The following AGBL4 variants were observed in gnomAD, a reference collection of about 807,000 sequenced individuals.
The protein encoded by AGBL4 is AGBL carboxypeptidase 4, also known as cytosolic carboxypeptidase 6.
AGBL4 carries 58 observed loss-of-function variants against 66.4 expected under a neutral mutation model. The observed-to-expected ratio is 0.87, with a 90% CI of 0.71 to 1.09. The LOEUF (loss-of-function observed/expected upper bound fraction) is 1.09, where lower values mean the gene tolerates loss of function less well. Among genes scored for constraint, AGBL4 ranks in the 50% least tolerant of loss-of-function variants. The pLI, the probability that AGBL4 is intolerant of heterozygous loss-of-function variation, is 0.00. For synonymous variants in AGBL4, 234 were observed against 222.9 expected, an observed-to-expected ratio of 1.05 and a Z score of -0.44; for missense variants, 579 against 631.0, an observed-to-expected ratio of 0.92 and a Z score of 0.88.
intron 3 of AGBL4, among the ~76,000 whole-genome samples, chr1:49,289,164 A>G (rs1355197862): frequency 6.6e-6 from 1 of 152,164 alleles, no homozygotes; most frequent in East Asian, 1.9e-4. Flanking sequence ...AAAATTTACT[A>G]GACAACTAGA....
In AGBL4 at chr1:48,921,162, G is replaced by T. The variant is rs138173543; in HGVS notation, c.595-53932C>A. 5.8e-3 allele frequency among the ~76,000 whole-genome samples: 878 copies of T among 152,280 alleles called. 12 individuals are homozygous for T. The highest frequency in any genetic ancestry group is 7.0e-3 in the Non-Finnish European group (479 of 68,032). ...GAATCACTCACTGCAGAACTGTAAT[G>T]GGGAGAGGGGGAGGGGAAGTGGAAC... On this transcript the variant is annotated intron_variant, in intron 5 of 13. Coordinates refer to ENST00000371839, the MANE Select transcript of AGBL4 (RefSeq NM_032785.4).
At chr1:48,785,413 G>A (rs1455116155) in intron 6 of AGBL4, among the ~76,000 whole-genome samples, 4 of 152,124 alleles carry the variant, frequency 2.6e-5, no homozygotes, top group Non-Finnish European at 4.4e-5. Flanking sequence ...ACAGGTGTAC[G>A]AAGGGCCATA....
At chr1:49,490,755 T>C (rs1647170658) in intron 3 of AGBL4, among the ~76,000 whole-genome samples, 1 of 151,700 alleles carries the variant, frequency 6.6e-6, no homozygotes, top group Non-Finnish European at 1.5e-5. Flanking sequence ...AGGAAAAAAA[T>C]GGATTCTGGG....
chr1:49,477,651 A>G (rs1646872676), intron 3 of AGBL4, among the ~76,000 whole-genome samples: 1 of 152,046 alleles, frequency 6.6e-6, no homozygotes, highest in South Asian at 2.1e-4. Flanking sequence ...CAAACTTTTC[A>G]GTGCTGAAGA....
At chr1:49,607,487 G>C (rs1353729192) in intron 3 of AGBL4, among the ~76,000 whole-genome samples, 2 of 152,048 alleles carry the variant, frequency 1.3e-5, no homozygotes, top group African/African-American at 2.4e-5. Context: ...TCTTTATCTG[G>C]AGTTTTCTGC....
intron 6 of AGBL4, among the ~76,000 whole-genome samples, chr1:48,755,372 T>C (rs558550882): frequency 6.6e-6 from 1 of 152,336 alleles, no homozygotes; most frequent in South Asian, 2.1e-4. Context: ...TCCTGACCTG[T>C]TGGCCTCCCT....
At chr1:48,528,538 A>G (rs2148245678), downstream of AGBL4, among the ~76,000 whole-genome samples, 1 of 152,134 alleles carries the variant, frequency 6.6e-6, no homozygotes, top group East Asian at 1.9e-4. Flanking sequence ...CTGAACCGAG[A>G]GACAGAGAGG....
intron 3 of AGBL4, among the ~76,000 whole-genome samples, chr1:49,623,511 A>T (rs1200357823): frequency 6.6e-6 from 1 of 152,140 alleles, no homozygotes; most frequent in East Asian, 1.9e-4. Context: ...CACTGAGTCT[A>T]GCAGGTTGAT....
intron 3 of AGBL4, among the ~76,000 whole-genome samples, chr1:49,615,349 A>G (rs1477682322): frequency 1.3e-5 from 2 of 152,150 alleles, no homozygotes; most frequent in South Asian, 4.1e-4. Context: ...GAAGGGACAA[A>G]ATGGTTTAAA....
At position 49,882,287 on chromosome 1, in the gene AGBL4, G is replaced by A. The variant is rs1185577320; in HGVS notation, c.35-30769C>T. On this transcript the variant is annotated intron_variant, in intron 1 of 13. Transcript: ENST00000371839. The stretch of plus-strand genomic sequence containing the variant: ...CCAGTACCATGCTGTTTTGGTTACT[G>A]TAGCCTTGTAGTATAGTTTGAAGTC... Among the ~76,000 whole-genome samples the A allele has an allele frequency of 4.0e-5, 6 of 150,396 alleles. No individual in the cohort carries two copies. In the East Asian group the frequency reaches 1.2e-3, roughly 29 times the overall value.
At chr1:48,673,581 T>G (rs1417995032) in intron 6 of AGBL4, among the ~76,000 whole-genome samples, 2 of 152,224 alleles carry the variant, frequency 1.3e-5, no homozygotes, top group African/African-American at 2.4e-5. Context: ...TTAAAGAGTG[T>G]AATTTTTTTC....
chr1:49,303,331 T>C (rs745573001), intron 3 of AGBL4, among the ~76,000 whole-genome samples: 61 of 152,184 alleles, frequency 4.0e-4, no homozygotes, highest in Non-Finnish European at 8.1e-4. Flanking sequence ...TGTTTTTTCT[T>C]GACTAATAAT....
chr1:49,950,827 C>A (rs1440897261), intron 1 of AGBL4, among the ~76,000 whole-genome samples: 1 of 151,734 alleles, frequency 6.6e-6, no homozygotes, highest in Non-Finnish European at 1.5e-5. Flanking sequence ...AATATGGAAT[C>A]AACCCAAGTG....
intron 6 of AGBL4, among the ~76,000 whole-genome samples, chr1:48,686,264 C>G (rs957661727): frequency 6.6e-6 from 1 of 152,236 alleles, no homozygotes; most frequent in Admixed American, 6.5e-5. Context: ...TGAATCCCCA[C>G]AGTCCACGCA....
chr1:49,948,223 AATAT>A (rs1175844387), intron 1 of AGBL4, among the ~76,000 whole-genome samples: 2 of 103,142 alleles, frequency 1.9e-5, no homozygotes, highest in African/African-American at 4.2e-5. Flanking sequence ...AATATATATA[AATAT>A]ATATAAATAT....
At chr1:49,495,277 G>A (rs762945479) in intron 3 of AGBL4, among the ~76,000 whole-genome samples, 11 of 152,184 alleles carry the variant, frequency 7.2e-5, no homozygotes, top group Admixed American at 3.3e-4. Context: ...CCTGTGGCCC[G>A]TGGGCCGCAT....
chr1:48,926,202 A>T (rs1311953194), intron 5 of AGBL4, among the ~76,000 whole-genome samples: 2 of 152,172 alleles, frequency 1.3e-5, no homozygotes, highest in Non-Finnish European at 2.9e-5. Context: ...GACTGAGATA[A>T]GACTAAGATA....
At chr1:49,292,721 A>C (rs1473386856) in intron 3 of AGBL4, among the ~76,000 whole-genome samples, 1 of 151,120 alleles carries the variant, frequency 6.6e-6, no homozygotes, top group East Asian at 2.0e-4. Context: ...GGAGCTACCC[A>C]CTCCAGGGCC....
At chr1:48,932,432 G>A (rs1655109701) in intron 5 of AGBL4, among the ~76,000 whole-genome samples, 1 of 152,020 alleles carries the variant, frequency 6.6e-6, no homozygotes, top group Non-Finnish European at 1.5e-5. Context: ...AAGAATATGG[G>A]GATGATATTT....
Sources: gnomAD v4.1 joint callset for allele counts (sites outside exome capture counted in the v4.1 genomes callset) on GRCh38, gnomAD v4.1.1 for gene constraint, MANE v1.5 for transcripts, NCBI Gene and HGNC (gene_info 2026-07-23, HGNC 2026-07-21) for gene names.